Variants in BBS9 observed in about 807,000 individuals in gnomAD.
The protein encoded by BBS9 is protein PTHB1.
In BBS9, 89 loss-of-function variants were observed where a neutral mutation model predicts 117.7. The ratio of observed to expected loss-of-function variants is 0.76; its 90% confidence interval spans 0.64 to 0.90. BBS9 has a LOEUF of 0.90. BBS9 is among the 40% of genes least tolerant of loss of function. BBS9 has a pLI of 0.00. For missense variants in BBS9, 982 were observed against 1,042.2 expected (o/e 0.94, Z 0.80); for synonymous variants, 379 against 370.9 (o/e 1.02, Z -0.25).
At chr7:33,449,507 G>A (rs1837476301) in intron 19 of BBS9, among the ~76,000 whole-genome samples, 1 of 152,134 alleles carries the variant, frequency 6.6e-6, no homozygotes, top group Non-Finnish European at 1.5e-5. Context: ...GGGGCTGGGT[G>A]GACAGATGAC....
intron 17 of BBS9, among the ~76,000 whole-genome samples, chr7:33,378,995 C>T (rs954548315): frequency 8.5e-5 from 13 of 152,168 alleles, no homozygotes; most frequent in African/African-American, 2.2e-4. Flanking sequence ...CTTGCCTGGA[C>T]GTACCTGAAC....
At chr7:33,333,666 A>G (rs1304490795) in intron 9 of BBS9, among the ~76,000 whole-genome samples, 1 of 151,692 alleles carries the variant, frequency 6.6e-6, no homozygotes, top group Non-Finnish European at 1.5e-5. Context: ...CCCAGGCTGG[A>G]GTGCAGTGGT....
chr7:33,411,155 G>C (rs1353238147), intron 19 of BBS9, among the ~76,000 whole-genome samples: 5 of 151,442 alleles, frequency 3.3e-5, no homozygotes, highest in Admixed American at 2.0e-4. Context: ...TTGGATATTT[G>C]TCTAATGTTA....
intron 5 of BBS9, among the ~76,000 whole-genome samples, chr7:33,240,208 T>C (rs1191795735): frequency 2.6e-5 from 4 of 152,132 alleles, no homozygotes; most frequent in African/African-American, 4.8e-5. Context: ...TATAAAAATA[T>C]TAATGTACAG....
intron 5 of BBS9, among the ~76,000 whole-genome samples, chr7:33,210,161 C>G (rs1583640595): frequency 6.6e-6 from 1 of 151,002 alleles, no homozygotes; most frequent in African/African-American, 2.4e-5. Context: ...ACTGATCATT[C>G]AGGAGCATAT....
intron 15 of BBS9, among the ~76,000 whole-genome samples, chr7:33,354,050 A>G (rs78738403): frequency 6.6e-6 from 1 of 152,134 alleles, no homozygotes; most frequent in Non-Finnish European, 1.5e-5. Flanking sequence ...TTGTTCAAAG[A>G]AATTTATTCC....
chr7:33,198,655 A>G (rs111593809), intron 5 of BBS9, among the ~76,000 whole-genome samples: 5 of 152,144 alleles, frequency 3.3e-5, no homozygotes, highest in South Asian at 4.1e-4. Context: ...GAGTATTACA[A>G]CAAAGAGGGT....
At chr7:33,466,069 T>C (rs540946612) in intron 19 of BBS9, among the ~76,000 whole-genome samples, 1 of 152,194 alleles carries the variant, frequency 6.6e-6, no homozygotes, top group African/African-American at 2.4e-5. Flanking sequence ...GAGAGAGATA[T>C]ATATATATAT....
chr7:33,231,455 A>ATTT (rs1792414373), intron 5 of BBS9, among the ~76,000 whole-genome samples: 3 of 101,358 alleles, frequency 3.0e-5, no homozygotes, highest in Non-Finnish European at 4.1e-5. Flanking sequence ...TGCCAGGACC[A>ATTT]TATTGTTTTG....
At chr7:33,268,174 G>A (rs530089429) in intron 7 of BBS9, among the ~76,000 whole-genome samples, 11 of 152,214 alleles carry the variant, frequency 7.2e-5, no homozygotes, top group Non-Finnish European at 1.2e-4. Flanking sequence ...GTTGGGCACT[G>A]TTATCTCTAA....
intron 19 of BBS9, among the ~76,000 whole-genome samples, chr7:33,446,525 T>G (rs942913999): frequency 8.5e-5 from 13 of 152,184 alleles, no homozygotes; most frequent in African/African-American, 2.9e-4. Flanking sequence ...ACCTGCCTAT[T>G]GCCATGATCA....
At chr7:33,189,750 G>A (rs183678499) in intron 5 of BBS9, among the ~76,000 whole-genome samples, 19 of 151,990 alleles carry the variant, frequency 1.3e-4, no homozygotes, top group African/African-American at 3.9e-4. Context: ...GCTGGGCGTG[G>A]TGGCATGTGC....
chr7:33,465,923 T>G (rs1396440989), intron 19 of BBS9, among the ~76,000 whole-genome samples: 1 of 152,158 alleles, frequency 6.6e-6, no homozygotes, highest in Admixed American at 6.6e-5. Flanking sequence ...TGATGAACTA[T>G]AAAAATGAAT....
intron 1 of BBS9, among the ~76,000 whole-genome samples, chr7:33,135,086 TC>T (rs1417257065): frequency 2.0e-5 from 3 of 152,124 alleles, no homozygotes; most frequent in African/African-American, 7.2e-5. Flanking sequence ...AGTGATGGGG[TC>T]TCATCATGTT....
chr7:33,400,928 A>G (rs1261243568), intron 19 of BBS9, among the ~76,000 whole-genome samples: 1 of 152,226 alleles, frequency 6.6e-6, no homozygotes, highest in Admixed American at 6.5e-5. Context: ...AAGTGGATTT[A>G]AATATATTTG....
intron 5 of BBS9, among the ~76,000 whole-genome samples, chr7:33,228,492 C>T (rs1791714332): frequency 2.0e-5 from 3 of 152,006 alleles, no homozygotes; most frequent in South Asian, 2.1e-4. Flanking sequence ...ATACAGTTGA[C>T]CATTGAACAG....
chr7:33,142,537 C>A (rs769121734), intron 1 of BBS9, among the ~76,000 whole-genome samples: 2 of 152,156 alleles, frequency 1.3e-5, no homozygotes, highest in African/African-American at 2.4e-5. Context: ...TATTGTGCAA[C>A]CAATCTCCAG....
At chr7:33,540,722 A>G (rs1852160698) in intron 21 of BBS9, among the ~76,000 whole-genome samples, 2 of 152,230 alleles carry the variant, frequency 1.3e-5, no homozygotes, top group African/African-American at 4.8e-5. Flanking sequence ...TAAAAGGGCA[A>G]TGACCATGTG....
intron 13 of BBS9, among the ~76,000 whole-genome samples, chr7:33,349,725 C>T (rs191795567): frequency 5.3e-5 from 8 of 152,308 alleles, no homozygotes; most frequent in African/African-American, 1.9e-4. Flanking sequence ...GCCACCACTC[C>T]TGGCCTGTTT....
Sources: allele counts gnomAD v4.1 joint callset (sites outside exome capture counted in the v4.1 genomes callset), GRCh38; gene constraint gnomAD v4.1.1; transcripts MANE v1.5; gene names NCBI Gene and HGNC (gene_info 2026-07-23, HGNC 2026-07-21).